TCF7: variants seen among roughly 807,000 people sequenced by gnomAD.
The protein encoded by TCF7 is T-cell-factor-7.
In TCF7, 19 loss-of-function variants were observed where a neutral mutation model predicts 46.8. The observed-to-expected ratio is 0.41, with a 90% CI of 0.28 to 0.60. The LOEUF is 0.60. Ranked by LOEUF, TCF7 falls within the 20% of genes least tolerant of loss-of-function variation. The pLI, the probability that TCF7 is intolerant of heterozygous loss-of-function variation, is 0.35. For missense variants in TCF7, 547 were observed against 504.6 expected, an observed-to-expected ratio of 1.08 and a Z score of -0.81; for synonymous variants, 245 against 213.4, an observed-to-expected ratio of 1.15 and a Z score of -1.29.
chr5:134,139,009 C>T lies in TCF7; in HGVS notation c.606C>T (p.Ser202=). ...LSGFYSLTSG[S]MGQLPHTVSW... ...GCTTCTACTCCCTGACCTCAGGCAG[C>T]ATGGGGCAGCTCCCCCACACTGTGA... Residue 202 remains serine, a synonymous_variant, in exon 5 of 10, where the codon AGC becomes AGT. Transcript: ENST00000342854. The T allele has an allele frequency of 1.2e-6, 2 of 1,613,940 alleles. No individual in the cohort carries two copies. The highest frequency in any genetic ancestry group is 1.1e-5 in the South Asian group (1 of 91,082).
upstream of TCF7, among the ~76,000 whole-genome samples, chr5:134,110,037 G>A (rs1481844850): frequency 6.6e-6 from 1 of 152,184 alleles, no homozygotes; most frequent in Non-Finnish European, 1.5e-5. Context: ...GGAAATTCAA[G>A]CCTAATGTTT....
At chr5:134,131,383 T>C (rs1758103999) in intron 3 of TCF7, among the ~76,000 whole-genome samples, 2 of 152,236 alleles carry the variant, frequency 1.3e-5, no homozygotes, top group Non-Finnish European at 2.9e-5. Context: ...CTCTGTGTGC[T>C]TGGCAAACAG....
In TCF7 at chr5:134,146,658, ACTT is replaced by A. The variant is rs1760753565; in HGVS notation, c.*358_*360del. 3 of 646,054 alleles carry A rather than the reference ACTT, an allele frequency of 4.6e-6. No individual in the cohort carries two copies. Among genetic ancestry groups the A allele is most frequent in the Non-Finnish European group, 8.3e-6 (3 of 363,538 alleles). 40.0% of individuals were successfully genotyped at this position (646,054 alleles called of 1,614,324 possible). The stretch of plus-strand genomic sequence containing the variant: ...CCCTGAAGATTTCAGAGGCTGCAGG[ACTT>A]CTGCCTGAACCTGGGGTCATCGATT... On this transcript the variant is annotated 3_prime_UTR_variant, in exon 10 of 10. Transcript: ENST00000342854.
chr5:134,144,961 G>GC, intron 9 of TCF7: 1 of 1,126,238 alleles, frequency 8.9e-7, no homozygotes, highest in Non-Finnish European at 1.3e-6. Context: ...CACTCCTTTG[G>GC]CCCCTCAGCC....
intron 3 of TCF7, among the ~76,000 whole-genome samples, chr5:134,124,777 G>C (rs755536097): frequency 6.6e-6 from 1 of 152,200 alleles, no homozygotes; most frequent in Non-Finnish European, 1.5e-5. Flanking sequence ...AGAGGCTCCA[G>C]GCATGGATGG....
chr5:134,144,646 GTGCCATGGAGAGGCCCACTC>G (rs1760405460), intron 9 of TCF7: 2 of 627,284 alleles, frequency 3.2e-6, no homozygotes, highest in Non-Finnish European at 5.7e-6. Flanking sequence ...GGGGCTGGCT[GTGCCATGGAGAGGCCCACTC>G]TGCCTATGGG....
At chr5:134,118,586 C>T (rs1250893717) in intron 3 of TCF7, among the ~76,000 whole-genome samples, 2 of 152,126 alleles carry the variant, frequency 1.3e-5, no homozygotes, top group African/African-American at 2.4e-5. Flanking sequence ...AGCCAACTGC[C>T]ACGGGACACA....
At chr5:134,137,281 G>A (rs762511931) in intron 3 of TCF7, among the ~76,000 whole-genome samples, 3 of 152,038 alleles carry the variant, frequency 2.0e-5, no homozygotes, top group Admixed American at 6.6e-5. Context: ...AAAATTAGCC[G>A]GGTGTGGTGG....
intron 3 of TCF7, among the ~76,000 whole-genome samples, chr5:134,131,674 G>A (rs1160797025): frequency 6.6e-6 from 1 of 152,226 alleles, no homozygotes; most frequent in Non-Finnish European, 1.5e-5. Flanking sequence ...CCCAGACAGA[G>A]ATGACTAACC....
chr5:134,138,567 C>G (rs1041441032), intron 4 of TCF7: 1 of 282,162 alleles, frequency 3.5e-6, no homozygotes, highest in African/African-American at 2.2e-5. Context: ...AACCTGCTGA[C>G]TCAACCCTGG....
Position 134,115,976 on chromosome 5 carries a change from C to G in TCF7, c.384C>G (p.Leu128=). 1 of 1,614,028 alleles carries G rather than the reference C, an allele frequency of 6.2e-7. No homozygotes were observed. Among genetic ancestry groups the G allele is most frequent in the African/African-American group, 1.3e-5 (1 of 75,068 alleles). The change falls in exon 3 of 10, where the codon CTC becomes CTG. Residue 128 remains leucine (L), a synonymous_variant. Transcript: ENST00000342854. ...KETVYSAFNL[L]MHYPPPSGAG... ...CCGTCTACTCCGCCTTCAATCTGCT[C>G]ATGCATTACCCACCCCCCTCGGGAG...
rs1760029529 is a variant in TCF7, at chr5:134,142,704, G to C, written c.756-17G>C. ...CACTCGGGGGGCTCCTGAACAATCTGGATTTGTGCCCCTCAGGAAGACACA... is the reference window on the plus strand; with the variant it reads ...CACTCGGGGGGCTCCTGAACAATCTCGATTTGTGCCCCTCAGGAAGACACA... On this transcript the variant is annotated splice_polypyrimidine_tract_variant and intron_variant, in intron 6 of 9. Coordinates refer to ENST00000342854, the MANE Select transcript of TCF7 (RefSeq NM_003202.5). 2.5e-6 allele frequency: 4 copies of C among 1,613,406 alleles called. No individual in the cohort carries two copies. Among genetic ancestry groups the C allele is most frequent in the Non-Finnish European group, 2.5e-6 (3 of 1,179,642 alleles).
rs573473833 is a variant in TCF7, at chr5:134,143,221, C to T, written c.1026+121C>T. 80 of 1,108,852 alleles carry T rather than the reference C, an allele frequency of 7.2e-5. No individual in the cohort carries two copies. In the African/African-American group the frequency reaches 1.0e-3, roughly 14 times the overall value. The allele number at this position is 1,108,852 out of a possible 1,614,324, so 68.7% of individuals were successfully genotyped here. A position where few individuals can be genotyped will look rare whatever the true frequency, so the allele number is the denominator to read the frequency against. ...TCCTGAAGGCACCGATGAGGAAGGG[C>T]ACGGAGGGTCCAAGGCCTCCCATGG... On this transcript the variant is annotated intron_variant, in intron 8 of 9. Transcript: ENST00000342854.
chr5:134,146,024 C>T, intron 9 of TCF7, 200 bp from the exon 10 acceptor site: 1 of 1,510,352 alleles, frequency 6.6e-7, no homozygotes, highest in Non-Finnish European at 8.8e-7. Context: ...CACCTTGTGG[C>T]TGTTCTGGGA....
intron 9 of TCF7, chr5:134,145,703 T>G: frequency 1.2e-6 from 2 of 1,611,186 alleles, no homozygotes; most frequent in Non-Finnish European, 1.7e-6. Flanking sequence ...GAAACAACCC[T>G]GTCTTCAGGG....
At chr5:134,115,827 T>C in intron 2 of TCF7, 82 bp from the exon 3 acceptor site, 2 of 1,592,766 alleles carry the variant, frequency 1.3e-6, no homozygotes, top group African/African-American at 1.3e-5. Context: ...CCTTGGCAAT[T>C]CTTTTTCTCT....
At chr5:134,116,215 G>A (rs79239920) in intron 3 of TCF7, 182 bp downstream of exon 3, 4 of 1,341,706 alleles carry the variant, frequency 3.0e-6, no homozygotes, top group African/African-American at 1.5e-5. Context: ...GGAAGGAGGG[G>A]CCGCCCTGGG....
chr5:134,143,398 T>C (rs781057411), intron 8 of TCF7, 194 bp from the exon 9 acceptor site: 8 of 804,368 alleles, frequency 9.9e-6, no homozygotes, highest in Admixed American at 3.4e-5. Flanking sequence ...GGAGACCAGA[T>C]TGGGGTGAGG....
intron 5 of TCF7, chr5:134,140,535 G>GAAAC (rs1561690263): frequency 3.0e-6 from 1 of 329,164 alleles, no homozygotes; most frequent in African/African-American, 2.2e-5. Flanking sequence ...TACCGTCAAA[G>GAAAC]AAACAGAAGC....
Sources: gnomAD v4.1 joint callset for allele counts (sites outside exome capture counted in the v4.1 genomes callset) on GRCh38, gnomAD v4.1.1 for gene constraint, MANE v1.5 for transcripts, NCBI Gene and HGNC (gene_info 2026-07-23, HGNC 2026-07-21) for gene names.